The following SRGAP2 variants were observed in gnomAD, a reference collection of about 807,000 sequenced individuals.
The protein encoded by SRGAP2 is SLIT-ROBO Rho GTPase activating protein 2, also known as SLIT-ROBO Rho GTPase-activating protein 2.
In SRGAP2, 15 loss-of-function variants were observed where a neutral mutation model predicts 57.2. The ratio of observed to expected loss-of-function variants is 0.26; its 90% confidence interval spans 0.18 to 0.40. The LOEUF is 0.40. SRGAP2 is among the 10% of genes least tolerant of loss of function. SRGAP2 has a pLI of 1.00. For synonymous variants in SRGAP2, 249 were observed against 248.0 expected, an observed-to-expected ratio of 1.00 and a Z score of -0.04; for missense variants, 520 against 669.6, an observed-to-expected ratio of 0.78 and a Z score of 2.47.
intron 19 of SRGAP2, among the ~76,000 whole-genome samples, chr1:206,452,885 CAAAAAAAAAAA>C (rs1166978056): frequency 6.4e-5 from 4 of 62,118 alleles, no homozygotes; most frequent in South Asian, 7.6e-4. Flanking sequence ...GACTCCATCC[CAAAAAAAAAAA>C]AAAAAAAAAA....
chr1:206,258,018 C>T (rs1377874729), intron 2 of SRGAP2, among the ~76,000 whole-genome samples: 6 of 151,882 alleles, frequency 4.0e-5, no homozygotes, highest in Admixed American at 2.6e-4. Flanking sequence ...GCATAAGCAC[C>T]GTAAAGGTGG....
At chr1:206,346,600 A>C (rs1675647910) in intron 4 of SRGAP2, among the ~76,000 whole-genome samples, 4 of 152,142 alleles carry the variant, frequency 2.6e-5, no homozygotes, top group African/African-American at 7.2e-5. Context: ...GATATGTTTT[A>C]CCAGTAAATT....
At chr1:206,393,402 G>A (rs1466361340) in intron 6 of SRGAP2, 143 bp from the exon 7 acceptor site, 94 of 529,304 alleles carry the variant, frequency 1.8e-4, no homozygotes, top group Middle Eastern at 1.5e-3. Context: ...TCATTAAACA[G>A]AATTAGAACC....
intron 2 of SRGAP2, among the ~76,000 whole-genome samples, chr1:206,253,573 C>CTTTTTTTTTT (rs71264673): frequency 2.2e-4 from 22 of 101,664 alleles, no homozygotes; most frequent in South Asian, 7.5e-4. Context: ...TTCTTTCTTT[C>CTTTTTTTTTT]TTTTTTTTTT....
chr1:206,366,355 A>AG (rs768846744), intron 4 of SRGAP2, among the ~76,000 whole-genome samples: 16 of 152,232 alleles, frequency 1.1e-4, no homozygotes, highest in Non-Finnish European at 2.4e-4. Flanking sequence ...ATTAGTGTCA[A>AG]GGGGGGTGGA....
At chr1:206,321,875 A>G (rs1227675741) in intron 3 of SRGAP2, among the ~76,000 whole-genome samples, 4 of 152,114 alleles carry the variant, frequency 2.6e-5, no homozygotes, top group Non-Finnish European at 5.9e-5. Flanking sequence ...CCTTGCCTTT[A>G]CTGTGGAGTT....
chr1:206,377,141 A>G (rs1407297309), intron 4 of SRGAP2, among the ~76,000 whole-genome samples: 5 of 152,226 alleles, frequency 3.3e-5, no homozygotes, highest in African/African-American at 1.2e-4. Flanking sequence ...AGATAATTAA[A>G]CAGGAATCAA....
At chr1:206,410,720 G>T (rs12742430) in intron 10 of SRGAP2, among the ~76,000 whole-genome samples, 7,035 of 152,134 alleles carry the variant, frequency 0.046, 396 homozygotes, top group African/African-American at 0.13. Flanking sequence ...AAAGATCTGC[G>T]TCCTTTTTAA....
chr1:206,442,848 G>A (rs1353186026), intron 17 of SRGAP2, among the ~76,000 whole-genome samples: 2 of 152,184 alleles, frequency 1.3e-5, no homozygotes, highest in African/African-American at 2.4e-5. Context: ...GGTAGCTCCC[G>A]ATGCAGACTC....
intron 18 of SRGAP2, among the ~76,000 whole-genome samples, chr1:206,448,938 C>T (rs1425048453): frequency 2.0e-5 from 3 of 152,188 alleles, no homozygotes; most frequent in African/African-American, 7.2e-5. Flanking sequence ...TTGCTCTACA[C>T]AGGATGAGTT....
chr1:206,336,290 G>T (rs375612334), intron 3 of SRGAP2, among the ~76,000 whole-genome samples: 1 of 104,684 alleles, frequency 9.6e-6, no homozygotes, highest in Admixed American at 1.1e-4. Context: ...CTGAAAATTT[G>T]AAAGTTCATT....
rs1553379418 is a variant in SRGAP2 at position 206,458,762 on chromosome 1, C to G, written c.2647C>G (p.Gln883Glu). 1.3e-6 allele frequency: 1 copy of G among 780,854 alleles called. No homozygotes were observed. The highest frequency in any genetic ancestry group is 1.7e-5 in the Admixed American group (1 of 59,042). 48.4% of individuals were successfully genotyped at this position (780,854 alleles called of 1,614,324 possible). A position where few individuals can be genotyped will look rare whatever the true frequency, so the allele number is the denominator to read the frequency against. ...CCCATCCTCCCAGCCCATCATGAGCCAGAGCCTCCCCAAAGAAGGGCCAGA... is the reference window on the plus strand; with the variant it reads ...CCCATCCTCCCAGCCCATCATGAGCGAGAGCCTCCCCAAAGAAGGGCCAGA... ...CRPSSQPIMS[Q>E]SLPKEGPDKC... The change falls in exon 22 of 23, where the codon CAG becomes GAG. Residue 883 changes from glutamine to glutamate, a missense_variant. Gln to Glu is a conservative substitution (Grantham distance 29). Transcript: ENST00000573034.
At chr1:206,318,938 T>C (rs566469071) in intron 3 of SRGAP2, among the ~76,000 whole-genome samples, 2 of 151,974 alleles carry the variant, frequency 1.3e-5, no homozygotes, top group South Asian at 2.1e-4. Context: ...ATCCAAACCA[T>C]ATCACATAGG....
intron 4 of SRGAP2, among the ~76,000 whole-genome samples, chr1:206,347,313 C>A (rs1441272706): frequency 1.3e-5 from 2 of 152,018 alleles, no homozygotes; most frequent in Admixed American, 6.5e-5. Flanking sequence ...AGCGGTGGCT[C>A]ACGCCTGTAA....
chr1:206,238,839 G>A (rs1668039023), intron 2 of SRGAP2, among the ~76,000 whole-genome samples: 1 of 150,076 alleles, frequency 6.7e-6, no homozygotes, highest in Non-Finnish European at 1.5e-5. Flanking sequence ...TTCTTCCCAG[G>A]CCACTCACTT....
chr1:206,448,629 G>T (rs182062214), intron 18 of SRGAP2, among the ~76,000 whole-genome samples: 1 of 152,146 alleles, frequency 6.6e-6, no homozygotes, highest in East Asian at 1.9e-4. Context: ...TCTGAAGATG[G>T]GGCGCTGTTT....
chr1:206,384,406 G>A lies in SRGAP2; in HGVS notation c.486+330G>A, dbSNP rs1274249798. 2.6e-5 allele frequency among the ~76,000 whole-genome samples: 4 copies of A among 151,840 alleles called. 1 individual carries two copies. In the South Asian group the frequency reaches 8.3e-4, roughly 31 times the overall value. ...GCAAACCAGGGACCCTGAACTAATG[G>A]CAAGGAACGTAGCCTGCATTGCACT... On this transcript the variant is annotated intron_variant, in intron 5 of 22. Coordinates refer to ENST00000573034, the MANE Select transcript of SRGAP2 (RefSeq NM_015326.5).
chr1:206,300,657 T>TG (rs1671823129), intron 2 of SRGAP2, among the ~76,000 whole-genome samples: 1 of 101,018 alleles, frequency 9.9e-6, no homozygotes, highest in Non-Finnish European at 1.9e-5. Context: ...CTGCCCTCAT[T>TG]GAGGCACCTG....
rs1656927589 is a variant in SRGAP2, at chr1:206,391,339, T to A, written c.487-1350T>A. On this transcript the variant is annotated intron_variant, in intron 5 of 22. Transcript: ENST00000573034. ...TATCCAGAGGAGAGTCGGTGTTGCT[T>A]AATGGCTAAGAATGTGGTCTTTGGA... is the stretch of plus-strand genomic sequence containing the variant. Among the ~76,000 whole-genome samples, 4 of 117,114 alleles carry A rather than the reference T, an allele frequency of 3.4e-5. No homozygotes were observed. In the Admixed American group the frequency reaches 3.7e-4, roughly 11 times the overall value. The allele number at this position is 117,114 out of a possible 152,430, so 76.8% of individuals were successfully genotyped here.
Sources: allele counts gnomAD v4.1 joint callset (sites outside exome capture counted in the v4.1 genomes callset), GRCh38; gene constraint gnomAD v4.1.1; transcripts MANE v1.5; gene names NCBI Gene and HGNC (gene_info 2026-07-23, HGNC 2026-07-21).